The following KCNH7 variants were observed in gnomAD, a reference collection of about 807,000 sequenced individuals.
KCNH7 encodes the protein voltage-gated inwardly rectifying potassium channel KCNH7.
KCNH7 carries 49 observed loss-of-function variants against 120.8 expected under a neutral mutation model. The observed-to-expected ratio is 0.41, with a 90% CI of 0.32 to 0.51. The LOEUF (loss-of-function observed/expected upper bound fraction) is 0.51, where lower values mean the gene tolerates loss of function less well. Ranked by LOEUF, KCNH7 falls within the 20% of genes least tolerant of loss-of-function variation. The pLI is 0.38. For missense variants in KCNH7, 1,097 were observed against 1,446.6 expected (o/e 0.76, Z 3.92); for synonymous variants, 547 against 516.1 (o/e 1.06, Z -0.81).
chr2:162,679,192 A>G (rs1305047772), intron 2 of KCNH7, among the ~76,000 whole-genome samples: 1 of 151,574 alleles, frequency 6.6e-6, no homozygotes, highest in Non-Finnish European at 1.5e-5. Flanking sequence ...ACTAAATAAG[A>G]TTGATAGAAA....
At chr2:162,526,470 A>G (rs1691708697) in intron 3 of KCNH7, among the ~76,000 whole-genome samples, 1 of 150,702 alleles carries the variant, frequency 6.6e-6, no homozygotes, top group Non-Finnish European at 1.5e-5. Flanking sequence ...TACAGCTTCG[A>G]CCATAAAAGA....
At chr2:162,786,455 C>T (rs142513253) in intron 2 of KCNH7, among the ~76,000 whole-genome samples, 1 of 152,094 alleles carries the variant, frequency 6.6e-6, no homozygotes, top group East Asian at 1.9e-4. Flanking sequence ...AGTCACCAAG[C>T]CAGATATTGG....
At chr2:162,715,808 A>G (rs1237201682) in intron 2 of KCNH7, among the ~76,000 whole-genome samples, 1 of 152,130 alleles carries the variant, frequency 6.6e-6, no homozygotes, top group African/African-American at 2.4e-5. Flanking sequence ...CAAAATTAAA[A>G]CTTTACTTAA....
chr2:162,430,190 C>T (rs751059386), intron 8 of KCNH7, among the ~76,000 whole-genome samples: 1 of 151,884 alleles, frequency 6.6e-6, no homozygotes, highest in Non-Finnish European at 1.5e-5. Flanking sequence ...AGATTTCTAC[C>T]AAATACCCTG....
At chr2:162,414,085 A>G (rs1168802818) in intron 9 of KCNH7, among the ~76,000 whole-genome samples, 1 of 152,052 alleles carries the variant, frequency 6.6e-6, no homozygotes, top group African/African-American at 2.4e-5. Context: ...TCATATATCC[A>G]TTAAACTGGC....
intron 2 of KCNH7, among the ~76,000 whole-genome samples, chr2:162,778,640 A>G (rs1026942142): frequency 7.3e-6 from 1 of 137,348 alleles, no homozygotes; most frequent in Non-Finnish European, 1.5e-5. Flanking sequence ...TATATGCAAT[A>G]AATATCAAAA....
rs181215162 is a variant in KCNH7 at position 162,680,234 on chromosome 2, A to T, written c.308-143154T>A. Among the ~76,000 whole-genome samples, 4 of 151,724 alleles carry T rather than the reference A, an allele frequency of 2.6e-5. No homozygotes were observed. The East Asian group carries it at 7.8e-4, about 30-fold the overall frequency. On this transcript the variant is annotated intron_variant, in intron 2 of 15. Transcript: ENST00000332142. ...CCACCCTCCCTCTAACAATATTTTCACCTGAGTCAAAGCAGTCTGAAAGTC... is the reference window on the plus strand; with the variant it reads ...CCACCCTCCCTCTAACAATATTTTCTCCTGAGTCAAAGCAGTCTGAAAGTC...
chr2:162,505,744 T>C (rs1443724401), intron 5 of KCNH7, among the ~76,000 whole-genome samples: 2 of 151,976 alleles, frequency 1.3e-5, no homozygotes, highest in Non-Finnish European at 2.9e-5. Flanking sequence ...GGTTAAAACA[T>C]ACAAATTCCA....
intron 2 of KCNH7, among the ~76,000 whole-genome samples, chr2:162,647,285 G>A (rs1559062388): frequency 6.6e-6 from 1 of 152,130 alleles, no homozygotes; most frequent in African/African-American, 2.4e-5. Context: ...GTGTGTTGGT[G>A]TGTATGTGTT....
chr2:162,529,527 A>G (rs577317188), intron 3 of KCNH7, among the ~76,000 whole-genome samples: 1 of 152,082 alleles, frequency 6.6e-6, no homozygotes, highest in South Asian at 2.1e-4. Flanking sequence ...AAGACATATG[A>G]AATTCAAATA....
At chr2:162,490,084 C>T (rs1574021205) in intron 6 of KCNH7, among the ~76,000 whole-genome samples, 1 of 152,234 alleles carries the variant, frequency 6.6e-6, no homozygotes, top group African/African-American at 2.4e-5. Flanking sequence ...AGTTAGCCAG[C>T]TTGCTTTAGG....
chr2:162,797,250 A>C (rs1281565796), intron 2 of KCNH7: 1 of 152,100 alleles, frequency 6.6e-6, no homozygotes, highest in Non-Finnish European at 1.5e-5. Flanking sequence ...ATGTTTGAGC[A>C]GTCAGCCATT....
intron 2 of KCNH7, among the ~76,000 whole-genome samples, chr2:162,703,867 C>T (rs1248961334): frequency 6.6e-6 from 1 of 152,060 alleles, no homozygotes; most frequent in Non-Finnish European, 1.5e-5. Context: ...TATATGATCT[C>T]AACAAAATGG....
intron 2 of KCNH7, among the ~76,000 whole-genome samples, chr2:162,671,373 A>G (rs140656844): frequency 6.6e-6 from 1 of 151,602 alleles, no homozygotes; most frequent in East Asian, 2.0e-4. Context: ...CTATTCAGCC[A>G]TTAAAAAAAT....
At chr2:162,429,879 T>G (rs1467369891) in intron 8 of KCNH7, among the ~76,000 whole-genome samples, 2 of 149,860 alleles carry the variant, frequency 1.3e-5, no homozygotes, top group Non-Finnish European at 3.0e-5. Flanking sequence ...AAAAACAGAT[T>G]TTTTTTTTTG....
At chr2:162,733,779 AT>A (rs567521681) in intron 2 of KCNH7, among the ~76,000 whole-genome samples, 8 of 151,924 alleles carry the variant, frequency 5.3e-5, no homozygotes, top group Non-Finnish European at 8.8e-5. Flanking sequence ...TCTGAACCTG[AT>A]TTTTTTTTAA....
At chr2:162,522,929 A>G (rs1691580928) in intron 3 of KCNH7, among the ~76,000 whole-genome samples, 1 of 151,872 alleles carries the variant, frequency 6.6e-6, no homozygotes, top group Non-Finnish European at 1.5e-5. Flanking sequence ...ATATAAATTT[A>G]GAGGCTGCAT....
intron 2 of KCNH7, among the ~76,000 whole-genome samples, chr2:162,587,069 T>C (rs114943163): frequency 2.1e-3 from 325 of 152,238 alleles, no homozygotes; most frequent in Admixed American, 3.7e-3. Flanking sequence ...TAGTATTAAA[T>C]GAATTCATAT....
intron 2 of KCNH7, among the ~76,000 whole-genome samples, chr2:162,833,513 A>G (rs1685550235): frequency 6.6e-6 from 1 of 152,172 alleles, no homozygotes; most frequent in Non-Finnish European, 1.5e-5. Flanking sequence ...CTCAAGCAAT[A>G]CTTCACAGCT....
Sources: gnomAD v4.1 joint callset for allele counts (sites outside exome capture counted in the v4.1 genomes callset) on GRCh38, gnomAD v4.1.1 for gene constraint, MANE v1.5 for transcripts, NCBI Gene and HGNC (gene_info 2026-07-23, HGNC 2026-07-21) for gene names.